Variants in MEF2A observed in about 807,000 individuals in gnomAD.
The protein encoded by MEF2A is myocyte enhancer factor 2A, also known as myocyte-specific enhancer factor 2A.
Under a neutral mutation model 55.8 loss-of-function variants are expected in MEF2A, and 28 were observed. That is an observed-to-expected ratio of 0.50 (90% CI 0.37 to 0.69). The LOEUF (loss-of-function observed/expected upper bound fraction) is 0.69. Ranked by LOEUF, MEF2A falls within the 30% of genes least tolerant of loss-of-function variation. The probability of loss-of-function intolerance (pLI) is 0.00; values close to 1 mark genes in which losing one functional copy is unlikely to be tolerated. For synonymous variants in MEF2A, 239 were observed against 227.1 expected (o/e 1.05, Z -0.47); for missense variants, 528 against 626.2 (o/e 0.84, Z 1.67).
chr15:99,707,520 G>A (rs1479886077), intron 10 of MEF2A, among the ~76,000 whole-genome samples: 1 of 152,256 alleles, frequency 6.6e-6, no homozygotes, highest in African/African-American at 2.4e-5. Context: ...GAAAGTTTAA[G>A]AATATTACAG....
intron 8 of MEF2A, among the ~76,000 whole-genome samples, chr15:99,702,198 G>A (rs1448201740): frequency 1.3e-5 from 2 of 152,194 alleles, no homozygotes; most frequent in African/African-American, 2.4e-5. Context: ...TGTAGATCAA[G>A]TGATTGTTTT....
chr15:99,612,318 G>A (rs2039407291), intron 2 of MEF2A, among the ~76,000 whole-genome samples: 1 of 151,992 alleles, frequency 6.6e-6, no homozygotes, highest in Non-Finnish European at 1.5e-5. Flanking sequence ...TTGAGAGGCT[G>A]AGGCAGGAGA....
At chr15:99,688,528 C>T (rs1444871081) in intron 7 of MEF2A, among the ~76,000 whole-genome samples, 7 of 152,092 alleles carry the variant, frequency 4.6e-5, no homozygotes, top group African/African-American at 1.4e-4. Flanking sequence ...GAGGCCGAGG[C>T]GGGCAGATCA....
intron 2 of MEF2A, among the ~76,000 whole-genome samples, chr15:99,599,364 T>A (rs1029629402): frequency 6.6e-6 from 1 of 152,134 alleles, no homozygotes; most frequent in African/African-American, 2.4e-5. Flanking sequence ...ATTATGTCAG[T>A]AAAAATCTTG....
At chr15:99,641,478 C>G (rs1207122871) in intron 3 of MEF2A, among the ~76,000 whole-genome samples, 3 of 152,168 alleles carry the variant, frequency 2.0e-5, no homozygotes, top group African/African-American at 7.2e-5. Flanking sequence ...AATCCCAGCA[C>G]TTTGGGAGGC....
intron 4 of MEF2A, among the ~76,000 whole-genome samples, chr15:99,655,432 A>G (rs2047544576): frequency 6.6e-6 from 1 of 152,140 alleles, no homozygotes; most frequent in Non-Finnish European, 1.5e-5. Context: ...AATATAGTTG[A>G]TAGATGGTCT....
At position 99,645,835 on chromosome 15, in the gene MEF2A, A is replaced by G. The variant is rs998815772; in HGVS notation, c.258+71A>G. ...ATTTTGTTTAATAGCATTAACTGTC[A>G]GAATGACTTGTACATCTAAAACATA... On this transcript the variant is annotated intron_variant, in intron 4 of 11. Coordinates refer to ENST00000557942, the MANE Select transcript of MEF2A (RefSeq NM_001319206.4). The G allele has an allele frequency of 3.7e-6, 4 of 1,091,652 alleles. No individual in the cohort carries two copies. In the African/African-American group the frequency reaches 4.7e-5, roughly 13 times the overall value. The allele number at this position is 1,091,652 out of a possible 1,614,324, so 67.6% of individuals were successfully genotyped here.
At chr15:99,566,359 C>G (rs970324603) in intron 1 of MEF2A, 1 of 104,820 alleles carries the variant, frequency 9.5e-6, no homozygotes, top group South Asian at 3.4e-4. Flanking sequence ...TGGGAGGCGG[C>G]GAGGGGTGGT....
intron 8 of MEF2A, among the ~76,000 whole-genome samples, chr15:99,701,806 G>C (rs943499994): frequency 1.3e-5 from 2 of 152,182 alleles, no homozygotes; most frequent in African/African-American, 4.8e-5. Context: ...CACCTTTCAG[G>C]TACTGGATAT....
chr15:99,699,413 A>T (rs1166872648), intron 8 of MEF2A, among the ~76,000 whole-genome samples: 1 of 152,202 alleles, frequency 6.6e-6, no homozygotes, highest in African/African-American at 2.4e-5. Context: ...AGTTGACTAT[A>T]AAGGGTTAAT....
At chr15:99,657,367 T>G (rs2047914049) in intron 4 of MEF2A, 1 of 151,984 alleles carries the variant, frequency 6.6e-6, no homozygotes, top group South Asian at 2.1e-4. Context: ...TGGATATTAT[T>G]AGAAAATGGT....
chr15:99,630,678 G>C (rs753207972), intron 2 of MEF2A, among the ~76,000 whole-genome samples: 5 of 152,168 alleles, frequency 3.3e-5, no homozygotes, highest in Non-Finnish European at 5.9e-5. Flanking sequence ...TTTGCTACTG[G>C]TATGCAGCTA....
At chr15:99,628,721 T>G (rs1486759552) in intron 2 of MEF2A, among the ~76,000 whole-genome samples, 6 of 152,234 alleles carry the variant, frequency 3.9e-5, no homozygotes, top group African/African-American at 1.4e-4. Flanking sequence ...ATTACTGTTA[T>G]GTATTGTAAC....
chr15:99,602,269 T>C (rs1432142740), intron 2 of MEF2A, among the ~76,000 whole-genome samples: 1 of 152,032 alleles, frequency 6.6e-6, no homozygotes, highest in Non-Finnish European at 1.5e-5. Context: ...ACTTCTGGGG[T>C]CTTGTGTCCC....
intron 3 of MEF2A, among the ~76,000 whole-genome samples, chr15:99,641,037 T>G (rs2044813822): frequency 6.6e-6 from 1 of 152,142 alleles, no homozygotes. Flanking sequence ...TGCACTAGTT[T>G]GCGTGATCCC....
intron 2 of MEF2A, among the ~76,000 whole-genome samples, chr15:99,615,945 A>G (rs1226162921): frequency 6.6e-6 from 1 of 152,204 alleles, no homozygotes; most frequent in Non-Finnish European, 1.5e-5. Context: ...ACTAATAGCT[A>G]TTTAGTGGAA....
chr15:99,679,841 G>A (rs1284090974), intron 7 of MEF2A, among the ~76,000 whole-genome samples: 2 of 151,928 alleles, frequency 1.3e-5, no homozygotes, highest in Admixed American at 6.6e-5. Context: ...AAATATAAAG[G>A]CACTTTTTAA....
At chr15:99,570,955 C>G (rs934011680) in intron 1 of MEF2A, among the ~76,000 whole-genome samples, 1 of 151,948 alleles carries the variant, frequency 6.6e-6, no homozygotes, top group Admixed American at 6.5e-5. Flanking sequence ...GAGGTGGAGG[C>G]GGGCAGATCA....
chr15:99,601,038 C>G (rs968857368), intron 2 of MEF2A, among the ~76,000 whole-genome samples: 1 of 152,090 alleles, frequency 6.6e-6, no homozygotes. Context: ...AGCTTGGTAC[C>G]TCTATTCATT....
Sources: allele counts gnomAD v4.1 joint callset (sites outside exome capture counted in the v4.1 genomes callset), GRCh38; gene constraint gnomAD v4.1.1; transcripts MANE v1.5; gene names NCBI Gene and HGNC (gene_info 2026-07-23, HGNC 2026-07-21).